CCT7: variants seen among roughly 807,000 people sequenced by gnomAD.
The protein encoded by CCT7 is chaperonin containing TCP1 subunit 7.
Under a neutral mutation model 56.6 loss-of-function variants are expected in CCT7, and 16 were observed. That is an observed-to-expected ratio of 0.28 (90% CI 0.19 to 0.43). The LOEUF is 0.43. Among genes scored for constraint, CCT7 ranks in the 20% least tolerant of loss-of-function variants. The probability of loss-of-function intolerance (pLI) is 1.00; values close to 1 mark genes in which losing one functional copy is unlikely to be tolerated. For missense variants in CCT7, 519 were observed against 685.6 expected (o/e 0.76, Z 2.71); for synonymous variants, 262 against 254.8 (o/e 1.03, Z -0.27).
At chr2:73,235,459 G>A (rs889700041) in intron 1 of CCT7, 4 of 661,368 alleles carry the variant, frequency 6.0e-6, no homozygotes, top group Non-Finnish European at 7.7e-6. Flanking sequence ...CCTTTTAGGT[G>A]TTCTACCAAA....
intron 7 of CCT7, 50 bp from the exon 8 acceptor site, chr2:73,248,941 A>G (rs201496047): frequency 6.7e-7 from 1 of 1,495,838 alleles, no homozygotes; most frequent in African/African-American, 1.4e-5. Flanking sequence ...CCTACCGTAT[A>G]TGTCAACCTT....
chr2:73,251,162 T>C, intron 10 of CCT7, 64 bp from the exon 11 acceptor site: 1 of 1,464,532 alleles, frequency 6.8e-7, no homozygotes, highest in Non-Finnish European at 9.6e-7. Flanking sequence ...ACCTACTGAG[T>C]GGCCCAGCAT....
In CCT7 at chr2:73,249,829, G is replaced by T; in HGVS notation, c.983G>T (p.Gly328Val). The T allele has an allele frequency of 6.2e-7, 1 of 1,612,814 alleles. No homozygotes were observed. The highest frequency in any genetic ancestry group is 2.2e-5 in the East Asian group (1 of 44,858). ...DLKRTMMACG[G>V]SIQTSVNALS... ...TTCCTTGCTCCCTAGGCCTGTGGAG[G>T]CTCAATCCAGACCAGTGTGAATGCT... Residue 328 changes from glycine to valine, a missense_variant, in exon 9 of 12, where the codon GGC becomes GTC. Gly to Val is a moderately radical substitution (Grantham distance 109). This residue lies in a region of CCT7 where 237 missense variants were observed against 300.8 expected (regional missense o/e 0.79). Transcript: ENST00000258091.
Position 73,239,797 on chromosome 2 carries a change from G to T in CCT7, c.160+1G>T. Reference sequence around the variant, plus strand: ...GACAAGCTTATTGTAGATGGCAGAGGTAAGTCTACAGAGTTCCTCAGGCCT... The same window carrying T: ...GACAAGCTTATTGTAGATGGCAGAGTTAAGTCTACAGAGTTCCTCAGGCCT... On this transcript the variant is annotated splice_donor_variant, in intron 2 of 11. Transcript: ENST00000258091. LOFTEE classifies it high-confidence loss of function. 6.2e-7 allele frequency: 1 copy of T among 1,613,792 alleles called. No homozygotes were observed. Among genetic ancestry groups the T allele is most frequent in the Non-Finnish European group, 8.5e-7 (1 of 1,179,768 alleles).
At chr2:73,250,582 A>G in intron 10 of CCT7, 144 bp downstream of exon 10, 1 of 879,906 alleles carries the variant, frequency 1.1e-6, no homozygotes, top group Admixed American at 2.5e-5. Flanking sequence ...TTGCCCCACA[A>G]ATGGTAGAGA....
chr2:73,242,993 T>C lies in CCT7; in HGVS notation c.268-11T>C. 6.2e-7 allele frequency: 1 copy of C among 1,613,688 alleles called. No homozygotes were observed. The highest frequency in any genetic ancestry group is 8.5e-7 in the Non-Finnish European group (1 of 1,179,872). Reference sequence around the variant, plus strand: ...ATCAGAAAACGTGTATTTCCTGTCATCATCTTCCAGGTGGGTGATGGCACC... The same window carrying C: ...ATCAGAAAACGTGTATTTCCTGTCACCATCTTCCAGGTGGGTGATGGCACC... On this transcript the variant is annotated splice_polypyrimidine_tract_variant and intron_variant, in intron 3 of 11. Coordinates refer to ENST00000258091, the MANE Select transcript of CCT7 (RefSeq NM_006429.4).
At chr2:73,236,802 A>AC (rs1686903733) in intron 1 of CCT7, among the ~76,000 whole-genome samples, 2 of 151,676 alleles carry the variant, frequency 1.3e-5, no homozygotes, top group Non-Finnish European at 2.9e-5. Context: ...CACCTTTTCC[A>AC]CCCCATAGAT....
At chr2:73,244,772 A>C (rs1687265420) in intron 6 of CCT7, 57 bp downstream of exon 6, 3 of 1,394,556 alleles carry the variant, frequency 2.2e-6, no homozygotes, top group Non-Finnish European at 3.0e-6. Flanking sequence ...CCCTTCAGAC[A>C]GCTTCATATG....
intron 8 of CCT7, among the ~76,000 whole-genome samples, 197 bp from the exon 9 acceptor site, chr2:73,249,622 T>G (rs1248318545): frequency 2.0e-5 from 3 of 151,966 alleles, no homozygotes; most frequent in African/African-American, 4.8e-5. Context: ...CTGTTTGCCT[T>G]TGATGTGTTT....
Position 73,242,362 on chromosome 2 carries a change from C to T in CCT7, c.268-642C>T, listed in dbSNP as rs572952641. ...TGGTGCGATCTTGGCTCACTGCAAC[C>T]TCTGCCTCCCAGGTTCAAGCAATTC... is the stretch of plus-strand genomic sequence containing the variant. On this transcript the variant is annotated intron_variant, in intron 3 of 11. Transcript: ENST00000258091. Among the ~76,000 whole-genome samples, 3 of 152,330 alleles carry T rather than the reference C, an allele frequency of 2.0e-5. No individual in the cohort carries two copies. In the South Asian group the frequency reaches 6.2e-4, roughly 32 times the overall value.
Position 73,240,448 on chromosome 2 carries a change from A to G in CCT7, c.172A>G (p.Ile58Val), listed in dbSNP as rs1456527525. The G allele has an allele frequency of 2.5e-6, 4 of 1,610,576 alleles. No homozygotes were observed. The highest frequency in any genetic ancestry group is 3.4e-6 in the Non-Finnish European group (4 of 1,178,244). Residue 58 changes from isoleucine to valine, a missense_variant, in exon 3 of 12, where the codon ATT (isoleucine) becomes GTT (valine). Physicochemically the swap from Ile to Val is conservative, Grantham distance 29. Transcript: ENST00000258091. ...TTGTTTCTTTTAAGGCAAAGCAACAATTTCTAATGATGGGGCCACAATTCT... is the reference window on the plus strand; with the variant it reads ...TTGTTTCTTTTAAGGCAAAGCAACAGTTTCTAATGATGGGGCCACAATTCT... ...LIVDGRGKAT[I>V]SNDGATILKL...
intron 11 of CCT7, among the ~76,000 whole-genome samples, 177 bp downstream of exon 11, chr2:73,251,609 G>A (rs1432101363): frequency 6.6e-6 from 1 of 152,212 alleles, no homozygotes; most frequent in Admixed American, 6.5e-5. Flanking sequence ...CATGGTGCTA[G>A]CACAGGAGAT....
At position 73,244,063 on chromosome 2, in the gene CCT7, G is replaced by A. The variant is rs62149570; in HGVS notation, c.446+14G>A. 73 of 1,578,590 alleles carry A rather than the reference G, an allele frequency of 4.6e-5. No individual in the cohort carries two copies. Among genetic ancestry groups the A allele is most frequent in the Non-Finnish European group, 6.1e-5 (71 of 1,165,870 alleles). On this transcript the variant is annotated intron_variant, in intron 5 of 11. Coordinates refer to ENST00000258091, the MANE Select transcript of CCT7 (RefSeq NM_006429.4). ...GGCAGATAAAGTGTAAGTCTGTAGT[G>A]GGTTTTTTTTTTTTTTTTTAAAGAG...
chr2:73,235,566 AGTC>A (rs1206925486), intron 1 of CCT7: 2 of 1,002,014 alleles, frequency 2.0e-6, no homozygotes, highest in Non-Finnish European at 2.4e-6. Flanking sequence ...TCATTCTTGA[AGTC>A]GTCTTCATCT....
intron 3 of CCT7, among the ~76,000 whole-genome samples, chr2:73,240,944 C>G (rs1286536359): frequency 1.3e-5 from 2 of 149,312 alleles, no homozygotes; most frequent in East Asian, 1.9e-4. Flanking sequence ...CTATGTTTCC[C>G]AGGTTGGCCT....
chr2:73,241,169 T>C (rs1369521223), intron 3 of CCT7, among the ~76,000 whole-genome samples: 1 of 152,096 alleles, frequency 6.6e-6, no homozygotes, highest in Non-Finnish European at 1.5e-5. Flanking sequence ...TATTAATAAA[T>C]GTGTTGACAG....
intron 10 of CCT7, 59 bp from the exon 11 acceptor site, chr2:73,251,167 C>T: frequency 1.3e-6 from 2 of 1,522,086 alleles, no homozygotes; most frequent in East Asian, 2.3e-5. Context: ...CTGAGTGGCC[C>T]AGCATGGAAG....
chr2:73,234,390 T>A lies in CCT7; in HGVS notation c.6+6T>A. On this transcript the variant is annotated splice_donor_region_variant and intron_variant, in intron 1 of 11. Coordinates refer to ENST00000258091, the MANE Select transcript of CCT7 (RefSeq NM_006429.4). ...AATAAGCTTCCAAAATGATGGTGAG[T>A]GGCGTCTCGCGCATCCGTCGCCATC... is the stretch of plus-strand genomic sequence containing the variant. The A allele has an allele frequency of 6.2e-7, 1 of 1,613,158 alleles. No homozygotes were observed.
chr2:73,235,936 C>G (rs181694143), intron 1 of CCT7, among the ~76,000 whole-genome samples: 11 of 152,318 alleles, frequency 7.2e-5, no homozygotes, highest in African/African-American at 2.6e-4. Context: ...TTGGATTTTC[C>G]CTGAACTGAC....
Sources: allele counts gnomAD v4.1 joint callset (sites outside exome capture counted in the v4.1 genomes callset), GRCh38; gene constraint gnomAD v4.1.1; regional missense constraint gnomAD v4.1.1; transcripts MANE v1.5; gene names NCBI Gene and HGNC (gene_info 2026-07-23, HGNC 2026-07-21).